TMEM123: variants seen among roughly 807,000 people sequenced by gnomAD.
TMEM123 encodes porimin.
TMEM123 carries 16 observed loss-of-function variants against 19.7 expected under a neutral mutation model. The observed-to-expected ratio is 0.81, with a 90% confidence interval of 0.55 to 1.23. TMEM123 has a LOEUF of 1.23. Among genes scored for constraint, TMEM123 ranks in the 50% most tolerant of loss-of-function variants. The pLI is 0.00. For missense variants in TMEM123, 313 were observed against 257.8 expected, an observed-to-expected ratio of 1.21 and a Z score of -1.47; for synonymous variants, 118 against 99.4, an observed-to-expected ratio of 1.19 and a Z score of -1.12.
At chr11:102,435,086 T>C (rs1857749585) in intron 2 of TMEM123, among the ~76,000 whole-genome samples, 1 of 151,882 alleles carries the variant, frequency 6.6e-6, no homozygotes, top group Non-Finnish European at 1.5e-5. Flanking sequence ...ACACCTGTAA[T>C]CCCAGCACAT....
At chr11:102,441,790 T>A (rs1350592990) in intron 2 of TMEM123, among the ~76,000 whole-genome samples, 1 of 148,608 alleles carries the variant, frequency 6.7e-6, no homozygotes, top group Non-Finnish European at 1.5e-5. Flanking sequence ...TCAACAAAAT[T>A]GATAGACCAC....
intron 2 of TMEM123, among the ~76,000 whole-genome samples, chr11:102,441,412 T>C (rs1411807032): frequency 6.6e-6 from 1 of 152,106 alleles, no homozygotes; most frequent in African/African-American, 2.4e-5. Flanking sequence ...CTCAACTACA[T>C]GGAAACTGAA....
chr11:102,410,722 A>G (rs960489587), intron 2 of TMEM123, among the ~76,000 whole-genome samples: 5 of 151,960 alleles, frequency 3.3e-5, no homozygotes, highest in Admixed American at 3.3e-4. Context: ...CTGGTTTAGT[A>G]CCTTCTCTGT....
In TMEM123 at chr11:102,397,584, C is replaced by G. The variant is rs776491726; in HGVS notation, c.*1283G>C. ...ACATAATGCATCTGAGAGTACTTCT[C>G]CTTCAGCATGGAGTAAGAGGAGGGA... On this transcript the variant is annotated 3_prime_UTR_variant, in exon 5 of 5. Transcript: ENST00000398136. 8 of 152,118 alleles carry G rather than the reference C, an allele frequency of 5.3e-5. No individual in the cohort carries two copies. Among genetic ancestry groups the G allele is most frequent in the Non-Finnish European group, 7.4e-5 (5 of 68,000 alleles). The allele number at this position is 152,118 out of a possible 1,614,324, so 9.4% of individuals were successfully genotyped here.
chr11:102,408,159 C>G (rs550259349), intron 2 of TMEM123, among the ~76,000 whole-genome samples: 3 of 152,088 alleles, frequency 2.0e-5, no homozygotes, highest in Non-Finnish European at 2.9e-5. Flanking sequence ...AACATAATTA[C>G]AGGAAAAATG....
intron 2 of TMEM123, among the ~76,000 whole-genome samples, chr11:102,405,623 T>C (rs909259221): frequency 2.0e-5 from 3 of 152,166 alleles, no homozygotes; most frequent in Non-Finnish European, 4.4e-5. Context: ...ATCTTTAGAA[T>C]AGAATGATCC....
At chr11:102,404,221 A>G (rs1488598976) in intron 2 of TMEM123, among the ~76,000 whole-genome samples, 1 of 152,176 alleles carries the variant, frequency 6.6e-6, no homozygotes, top group African/African-American at 2.4e-5. Context: ...GATACTTCAT[A>G]TATTATCCTA....
At position 102,431,896 on chromosome 11, in the gene TMEM123, G is replaced by A. The variant is rs189739520; in HGVS notation, c.157+16916C>T. Reference sequence around the variant, plus strand: ...CAGGAGATCTGATGGTTTTTTAAGCGTCTGGCATCTCCCTGCTGGCACTTT... The same window carrying A: ...CAGGAGATCTGATGGTTTTTTAAGCATCTGGCATCTCCCTGCTGGCACTTT... On this transcript the variant is annotated intron_variant, in intron 2 of 4. Coordinates refer to ENST00000398136, the MANE Select transcript of TMEM123 (RefSeq NM_052932.3). Among the ~76,000 whole-genome samples, 98 of 152,248 alleles carry A rather than the reference G, an allele frequency of 6.4e-4. 1 individual carries two copies. The highest frequency in any genetic ancestry group is 1.4e-3 in the East Asian group (7 of 5,174).
chr11:102,421,920 G>C (rs1044095663), intron 2 of TMEM123, among the ~76,000 whole-genome samples: 1 of 152,166 alleles, frequency 6.6e-6, no homozygotes, highest in African/African-American at 2.4e-5. Flanking sequence ...TGACCCAGAA[G>C]GTTAAATAAA....
chr11:102,447,031 T>G (rs1857892028), intron 2 of TMEM123, among the ~76,000 whole-genome samples: 1 of 152,184 alleles, frequency 6.6e-6, no homozygotes, highest in South Asian at 2.1e-4. Flanking sequence ...AAACTTAACA[T>G]GTTTCAAAAG....
intron 1 of TMEM123, among the ~76,000 whole-genome samples, chr11:102,450,156 C>G (rs1857923683): frequency 6.6e-6 from 1 of 152,200 alleles, no homozygotes; most frequent in Non-Finnish European, 1.5e-5. Flanking sequence ...TTGCCACTCA[C>G]CATCATCTTT....
chr11:102,416,182 T>C (rs1019935544), intron 2 of TMEM123, among the ~76,000 whole-genome samples: 1 of 152,200 alleles, frequency 6.6e-6, no homozygotes, highest in African/African-American at 2.4e-5. Context: ...CCCAAAGTGT[T>C]GGGATTACAA....
chr11:102,443,997 T>C (rs1207074849), intron 2 of TMEM123, among the ~76,000 whole-genome samples: 1 of 152,136 alleles, frequency 6.6e-6, no homozygotes, highest in African/African-American at 2.4e-5. Flanking sequence ...CACAACGAGA[T>C]ACCATCTCAC....
In TMEM123 at chr11:102,400,729, T is replaced by G. The variant is rs1951905661; in HGVS notation, c.602+810A>C. On this transcript the variant is annotated intron_variant, in intron 4 of 4. Coordinates refer to ENST00000398136, the MANE Select transcript of TMEM123 (RefSeq NM_052932.3). ...TACAATTAGAGGTCAGAGAACTAGC[T>G]CGCCTTCTTTCTGCCATGTGAAGAA... 3.3e-5 allele frequency among the ~76,000 whole-genome samples: 5 copies of G among 152,320 alleles called. No homozygotes were observed. The South Asian group carries it at 1.0e-3, about 32-fold the overall frequency.
rs1477992790 is a variant in TMEM123 at position 102,452,644 on chromosome 11, GC to G, written c.-22del. On this transcript the variant is annotated 5_prime_UTR_variant, in exon 1 of 5. Coordinates refer to ENST00000398136, the MANE Select transcript of TMEM123 (RefSeq NM_052932.3). ...CCCATTGTTCCGAGGGCAGGATGCG[GC>G]AGCCTCGTGGGCTCCCAGCCGAGGT... 1 of 1,480,310 alleles carries G rather than the reference GC, an allele frequency of 6.8e-7. No homozygotes were observed. Among genetic ancestry groups the G allele is most frequent in the Non-Finnish European group, 9.0e-7 (1 of 1,111,600 alleles). The allele number at this position is 1,480,310 out of a possible 1,614,324, so 91.7% of individuals were successfully genotyped here. A position where few individuals can be genotyped will look rare whatever the true frequency, so the allele number is the denominator to read the frequency against.
At chr11:102,449,474 A>G (rs934366443) in intron 1 of TMEM123, 4 of 152,858 alleles carry the variant, frequency 2.6e-5, no homozygotes, top group African/African-American at 9.6e-5. Flanking sequence ...TCTAATGAAG[A>G]TTAAATATGT....
intron 2 of TMEM123, among the ~76,000 whole-genome samples, chr11:102,442,743 A>G (rs898533319): frequency 1.3e-5 from 2 of 152,232 alleles, no homozygotes; most frequent in African/African-American, 4.8e-5. Flanking sequence ...TTAGGAAAAG[A>G]GGAAGTCAAA....
At chr11:102,422,903 C>T (rs2135853099) in intron 2 of TMEM123, among the ~76,000 whole-genome samples, 1 of 152,312 alleles carries the variant, frequency 6.6e-6, no homozygotes, top group Non-Finnish European at 1.5e-5. Flanking sequence ...CAATACCTTT[C>T]TGAACAATCT....
chr11:102,431,585 T>C (rs1052361119), intron 2 of TMEM123, among the ~76,000 whole-genome samples: 2 of 152,254 alleles, frequency 1.3e-5, no homozygotes, highest in African/African-American at 4.8e-5. Flanking sequence ...TTCTACTCTC[T>C]GCAGTTCCAT....
Sources: allele counts gnomAD v4.1 joint callset (sites outside exome capture counted in the v4.1 genomes callset), GRCh38; gene constraint gnomAD v4.1.1; transcripts MANE v1.5; gene names NCBI Gene and HGNC (gene_info 2026-07-23, HGNC 2026-07-21).